The following PARM1 variants were observed in gnomAD, a reference collection of about 807,000 sequenced individuals.
PARM1 encodes the protein WSC4, cell wall integrity and stress response component 4 homolog.
In PARM1, 14 loss-of-function variants were observed where a neutral mutation model predicts 24.6. That is an observed-to-expected ratio of 0.57 (90% CI 0.38 to 0.89). The LOEUF is 0.89. Among genes scored for constraint, PARM1 ranks in the 40% least tolerant of loss-of-function variants. The probability of loss-of-function intolerance (pLI) is 0.00; values close to 1 mark genes in which losing one functional copy is unlikely to be tolerated. For synonymous variants in PARM1, 179 were observed against 156.6 expected (o/e 1.14, Z -1.07); for missense variants, 362 against 380.4 (o/e 0.95, Z 0.40).
At chr4:75,012,199 C>T (rs558306848) in intron 1 of PARM1, among the ~76,000 whole-genome samples, 1 of 152,284 alleles carries the variant, frequency 6.6e-6, no homozygotes, top group South Asian at 2.1e-4. Flanking sequence ...GACAGTCCTA[C>T]TAATTGTTCT....
intron 2 of PARM1, among the ~76,000 whole-genome samples, chr4:75,015,266 G>A (rs566318156): frequency 1.8e-4 from 28 of 152,144 alleles, no homozygotes; most frequent in Non-Finnish European, 3.8e-4. Context: ...CTTGATTTTA[G>A]GCTCTATGTC....
chr4:75,012,288 A>G, intron 1 of PARM1, 137 bp from the exon 2 acceptor site: 1 of 931,234 alleles, frequency 1.1e-6, no homozygotes, highest in Non-Finnish European at 1.6e-6. Flanking sequence ...TTGCCTTCAC[A>G]ACTGGGGAGG....
In PARM1 at chr4:75,013,136, A is replaced by G. The variant is rs768920827; in HGVS notation, c.755A>G (p.His252Arg). 5.6e-6 allele frequency: 9 copies of G among 1,612,794 alleles called. No individual in the cohort carries two copies. The highest frequency in any genetic ancestry group is 7.6e-6 in the Non-Finnish European group (9 of 1,179,350). ...AGGGTGATCATGCAGGAAGTAGAAC[A>G]TGCATTAAGTTCAGGTGAGTCTCTA... is the stretch of plus-strand genomic sequence containing the variant. ...FPRVIMQEVE[H>R]ALSSGSIAAI... The change falls in exon 2 of 4, where the codon CAT (histidine) becomes CGT (arginine). Residue 252 changes from histidine (H) to arginine (R), a missense_variant. Transcript: ENST00000307428.
chr4:74,973,897 G>A (rs111633504), intron 1 of PARM1, among the ~76,000 whole-genome samples: 4,101 of 152,028 alleles, frequency 0.027, 79 homozygotes, highest in South Asian at 0.074. Flanking sequence ...GAGAGAGAGA[G>A]AGAAAGAAAG....
intron 1 of PARM1, among the ~76,000 whole-genome samples, chr4:74,944,514 G>A (rs564121222): frequency 1.3e-5 from 2 of 152,234 alleles, no homozygotes; most frequent in South Asian, 2.1e-4. Flanking sequence ...TCTTGTGCTT[G>A]TGGTGCTGGA....
intron 1 of PARM1, among the ~76,000 whole-genome samples, chr4:74,977,838 A>G (rs553023293): frequency 1.2e-4 from 19 of 152,340 alleles, no homozygotes; most frequent in Non-Finnish European, 2.2e-4. Context: ...AAGAATTTCC[A>G]ACCCAGAATT....
intron 1 of PARM1, among the ~76,000 whole-genome samples, chr4:75,005,698 G>T (rs1722757308): frequency 6.6e-6 from 1 of 152,172 alleles, no homozygotes; most frequent in South Asian, 2.1e-4. Flanking sequence ...TCCCCATAGA[G>T]GACAATACAC....
At chr4:75,001,064 A>G (rs1327444129) in intron 1 of PARM1, among the ~76,000 whole-genome samples, 1 of 152,200 alleles carries the variant, frequency 6.6e-6, no homozygotes, top group Non-Finnish European at 1.5e-5. Context: ...CTCTTGTAAG[A>G]TGGAGATATA....
chr4:75,023,794 G>C (rs1315600231), intron 2 of PARM1, among the ~76,000 whole-genome samples: 2 of 152,194 alleles, frequency 1.3e-5, no homozygotes, highest in Non-Finnish European at 2.9e-5. Flanking sequence ...AAAAAAGGCT[G>C]AGCTGCAGGA....
At chr4:75,028,032 T>C (rs939862217) in intron 2 of PARM1, among the ~76,000 whole-genome samples, 6 of 152,226 alleles carry the variant, frequency 3.9e-5, no homozygotes. Context: ...CCTTAGCATC[T>C]CTGTGACTCA....
chr4:74,941,227 G>C (rs1721303274), intron 1 of PARM1, among the ~76,000 whole-genome samples: 1 of 152,212 alleles, frequency 6.6e-6, no homozygotes, highest in Admixed American at 6.5e-5. Flanking sequence ...AGCCCAGATA[G>C]TCTCCTTTTT....
At chr4:74,981,197 T>C (rs921376387) in intron 1 of PARM1, among the ~76,000 whole-genome samples, 8 of 152,150 alleles carry the variant, frequency 5.3e-5, no homozygotes, top group African/African-American at 1.9e-4. Flanking sequence ...GGGAGAACAT[T>C]TTTGCAATCT....
chr4:74,972,230 G>C (rs1377109028), intron 1 of PARM1, among the ~76,000 whole-genome samples: 1 of 152,204 alleles, frequency 6.6e-6, no homozygotes, highest in Non-Finnish European at 1.5e-5. Context: ...GATTGCCTGA[G>C]CATCTGCAAG....
Position 75,012,876 on chromosome 4 carries a change from A to G in PARM1, c.495A>G (p.Pro165=). 6.2e-7 allele frequency: 1 copy of G among 1,613,496 alleles called. No homozygotes were observed. Among genetic ancestry groups the G allele is most frequent in the Non-Finnish European group, 8.5e-7 (1 of 1,179,708 alleles). ...ASSPSSLSTS[P]PEVFSASVTT... ...CACCCTCATCCCTATCAACCTCACC[A>G]CCTGAGGTCTTTTCTGCCTCCGTTA... The change falls in exon 2 of 4, where the codon CCA becomes CCG. Residue 165 remains proline (P), a synonymous_variant. Coordinates refer to ENST00000307428, the MANE Select transcript of PARM1 (RefSeq NM_015393.4).
intron 1 of PARM1, among the ~76,000 whole-genome samples, chr4:74,940,139 G>A (rs368856739): frequency 2.6e-5 from 4 of 152,198 alleles, no homozygotes; most frequent in South Asian, 2.1e-4. Context: ...TTCCTAATAC[G>A]AAGTTAACAA....
At position 75,012,572 on chromosome 4, in the gene PARM1, C is replaced by T. The variant is rs780079387; in HGVS notation, c.191C>T (p.Ser64Leu). Residue 64 changes from serine to leucine, a missense_variant, in exon 2 of 4, where the codon TCG becomes TTG. Transcript: ENST00000307428. ...CCATCCAACGGCACTCACAACAACT[C>T]GGTGCTCCCAGTTACAGCATCAGCC... ...ASPSNGTHNN[S>L]VLPVTASAPT... 1.9e-6 allele frequency: 3 copies of T among 1,613,848 alleles called. No individual in the cohort carries two copies. The highest frequency in any genetic ancestry group is 1.1e-5 in the South Asian group (1 of 91,084).
At chr4:74,941,151 A>G (rs1721300566) in intron 1 of PARM1, among the ~76,000 whole-genome samples, 1 of 152,202 alleles carries the variant, frequency 6.6e-6, no homozygotes, top group Admixed American at 6.5e-5. Context: ...ACATTCAACT[A>G]GTGGGGAACC....
chr4:74,959,091 G>A (rs571247735), intron 1 of PARM1, among the ~76,000 whole-genome samples: 180 of 152,234 alleles, frequency 1.2e-3, no homozygotes, highest in Admixed American at 3.1e-3. Flanking sequence ...CTGAGCATTC[G>A]AAATATGGCT....
intron 1 of PARM1, among the ~76,000 whole-genome samples, chr4:74,940,829 G>A (rs192792887): frequency 1.3e-5 from 2 of 152,256 alleles, no homozygotes; most frequent in East Asian, 1.9e-4. Context: ...TGTTTATTTA[G>A]TATGTTAGTT....
Sources: gnomAD v4.1 joint callset for allele counts (sites outside exome capture counted in the v4.1 genomes callset) on GRCh38, gnomAD v4.1.1 for gene constraint, MANE v1.5 for transcripts, NCBI Gene and HGNC (gene_info 2026-07-23, HGNC 2026-07-21) for gene names.